The following PARD3B variants were observed in gnomAD, a reference collection of about 807,000 sequenced individuals.
The protein encoded by PARD3B is partitioning defective 3 homolog B.
A neutral mutation model predicts 130.2 loss-of-function variants in PARD3B; 103 were observed. The observed-to-expected ratio is 0.79, with a 90% confidence interval of 0.67 to 0.93. The LOEUF (loss-of-function observed/expected upper bound fraction) is 0.93. PARD3B is among the 40% of genes least tolerant of loss of function. PARD3B has a pLI of 0.00. For synonymous variants in PARD3B, 583 were observed against 553.2 expected, an observed-to-expected ratio of 1.05 and a Z score of -0.76; for missense variants, 1,609 against 1,499.2, an observed-to-expected ratio of 1.07 and a Z score of -1.21.
At chr2:204,766,657 A>G (rs557971128) in intron 2 of PARD3B, among the ~76,000 whole-genome samples, 112 of 152,216 alleles carry the variant, frequency 7.4e-4, no homozygotes, top group Non-Finnish European at 1.5e-3. Flanking sequence ...CATCCTCATA[A>G]CAATGAAATG....
chr2:204,652,020 C>G (rs1436641743), intron 1 of PARD3B, among the ~76,000 whole-genome samples: 1 of 152,146 alleles, frequency 6.6e-6, no homozygotes, highest in Non-Finnish European at 1.5e-5. Flanking sequence ...CCCATGAAAT[C>G]ATCTTTCCCT....
At chr2:204,551,112 T>C (rs1388396269) in intron 1 of PARD3B, among the ~76,000 whole-genome samples, 2 of 152,218 alleles carry the variant, frequency 1.3e-5, no homozygotes, top group African/African-American at 4.8e-5. Context: ...TCAGCTTGCA[T>C]TGAGCAGCTT....
At chr2:204,781,076 T>C (rs774193173) in intron 2 of PARD3B, among the ~76,000 whole-genome samples, 1 of 152,092 alleles carries the variant, frequency 6.6e-6, no homozygotes, top group African/African-American at 2.4e-5. Context: ...TCCACTCTCA[T>C]TGGTAGGGTG....
rs1459496180 is a variant in PARD3B, at chr2:205,124,482, A to T, written c.1305+16A>T. On this transcript the variant is annotated intron_variant, in intron 9 of 22. Coordinates refer to ENST00000406610, the MANE Select transcript of PARD3B (RefSeq NM_001302769.2). Reference sequence around the variant, plus strand: ...AATTTTGGAGGTAAGAATTGGAATTAATAGTTGTATGAAAATATTTCTTGG... The same window carrying T: ...AATTTTGGAGGTAAGAATTGGAATTTATAGTTGTATGAAAATATTTCTTGG... 1 of 1,546,162 alleles carries T rather than the reference A, an allele frequency of 6.5e-7. No individual in the cohort carries two copies. The highest frequency in any genetic ancestry group is 8.7e-7 in the Non-Finnish European group (1 of 1,145,182).
At chr2:204,655,068 A>G (rs887441322) in intron 1 of PARD3B, among the ~76,000 whole-genome samples, 1 of 152,182 alleles carries the variant, frequency 6.6e-6, no homozygotes, top group Admixed American at 6.5e-5. Flanking sequence ...ACTGGGTGAT[A>G]TCTGAGAGTA....
intron 1 of PARD3B, among the ~76,000 whole-genome samples, chr2:204,653,063 C>G (rs2035534508): frequency 6.6e-6 from 1 of 150,886 alleles, no homozygotes; most frequent in East Asian, 1.9e-4. Context: ...CAAACCATAT[C>G]AAAAACTCAT....
At chr2:205,296,470 T>C (rs570780475) in intron 16 of PARD3B, among the ~76,000 whole-genome samples, 2 of 152,280 alleles carry the variant, frequency 1.3e-5, no homozygotes, top group South Asian at 4.1e-4. Flanking sequence ...CATGTTGAAG[T>C]GAGGCTTTCT....
At chr2:205,049,038 A>G (rs1204087402) in intron 4 of PARD3B, among the ~76,000 whole-genome samples, 1 of 152,190 alleles carries the variant, frequency 6.6e-6, no homozygotes, top group Non-Finnish European at 1.5e-5. Context: ...TCAGTGAGAG[A>G]AGAATTACAT....
rs1035566821 is a variant in PARD3B at position 205,142,607 on chromosome 2, C to T, written c.1435-16115C>T. Among the ~76,000 whole-genome samples the T allele has an allele frequency of 1.3e-5, 2 of 152,124 alleles. No individual in the cohort carries two copies. Among genetic ancestry groups the T allele is most frequent in the African/African-American group, 4.8e-5 (2 of 41,410 alleles). ...GTTAAGATAGACAGGCAACCAGGCACAGTGGCTCACGCCTGTAATCCCAAC... is the reference window on the plus strand; with the variant it reads ...GTTAAGATAGACAGGCAACCAGGCATAGTGGCTCACGCCTGTAATCCCAAC... On this transcript the variant is annotated intron_variant, in intron 10 of 22. Coordinates refer to ENST00000406610, the MANE Select transcript of PARD3B (RefSeq NM_001302769.2). The surrounding 1 kb of genome is among the most constrained non-coding windows in gnomAD (Gnocchi z 4.3).
At chr2:205,079,186 G>A (rs1293892477) in intron 4 of PARD3B, among the ~76,000 whole-genome samples, 2 of 152,310 alleles carry the variant, frequency 1.3e-5, no homozygotes, top group East Asian at 3.9e-4. Context: ...GCATAGATCT[G>A]TTCTTACATG....
chr2:204,753,944 A>G (rs2125393936), intron 2 of PARD3B, among the ~76,000 whole-genome samples: 1 of 152,252 alleles, frequency 6.6e-6, no homozygotes, highest in East Asian at 1.9e-4. Context: ...GTTATTAAGC[A>G]TTGGCCCCTG....
intron 2 of PARD3B, among the ~76,000 whole-genome samples, chr2:204,755,879 T>C (rs2040647602): frequency 6.6e-6 from 1 of 152,140 alleles, no homozygotes; most frequent in Non-Finnish European, 1.5e-5. Flanking sequence ...AAGTGATTGC[T>C]GTGAGCATTC....
intron 4 of PARD3B, among the ~76,000 whole-genome samples, chr2:205,097,072 G>A (rs904529270): frequency 5.9e-5 from 9 of 151,978 alleles, no homozygotes; most frequent in East Asian, 1.9e-4. Context: ...TTTCTTCTTC[G>A]ACAAGATAGT....
At chr2:204,858,304 A>T (rs1310492248) in intron 2 of PARD3B, among the ~76,000 whole-genome samples, 2 of 152,154 alleles carry the variant, frequency 1.3e-5, no homozygotes, top group East Asian at 3.9e-4. Flanking sequence ...AATAGCCAGG[A>T]TACAGAGACA....
At chr2:204,987,149 G>GA (rs1261465600) in intron 3 of PARD3B, among the ~76,000 whole-genome samples, 1 of 150,934 alleles carries the variant, frequency 6.6e-6, no homozygotes, top group Non-Finnish European at 1.5e-5. Context: ...TTTGACTTTG[G>GA]AAAAAAAATG....
At chr2:205,371,736 A>G (rs368608596) in intron 18 of PARD3B, among the ~76,000 whole-genome samples, 1 of 152,192 alleles carries the variant, frequency 6.6e-6, no homozygotes, top group African/African-American at 2.4e-5. Context: ...CACATGCCAT[A>G]AAATTCAACC....
chr2:205,501,128 A>G (rs767142996), intron 21 of PARD3B, among the ~76,000 whole-genome samples: 2 of 152,062 alleles, frequency 1.3e-5, no homozygotes, highest in African/African-American at 4.8e-5. Flanking sequence ...GTTCATCTCT[A>G]CACTGGGGTG....
At chr2:205,376,182 G>GA (rs1476011172) in intron 18 of PARD3B, among the ~76,000 whole-genome samples, 2 of 152,106 alleles carry the variant, frequency 1.3e-5, no homozygotes, top group Non-Finnish European at 2.9e-5. Flanking sequence ...CCTCACAGAT[G>GA]AAAAAACAGG....
At chr2:204,797,286 A>G in intron 2 of PARD3B, among the ~76,000 whole-genome samples, 1 of 152,296 alleles carries the variant, frequency 6.6e-6, no homozygotes, top group East Asian at 1.9e-4. Context: ...AACATATGAA[A>G]TAACTTTTTC....
Sources: allele counts gnomAD v4.1 joint callset (sites outside exome capture counted in the v4.1 genomes callset), GRCh38; gene constraint gnomAD v4.1.1; non-coding constraint Gnocchi (gnomAD v3.1); transcripts MANE v1.5; gene names NCBI Gene and HGNC (gene_info 2026-07-23, HGNC 2026-07-21).